The following NUP205 variants were observed in gnomAD, a reference collection of about 807,000 sequenced individuals.
NUP205 encodes nuclear pore complex protein Nup205.
In NUP205, 76 loss-of-function variants were observed where a neutral mutation model predicts 253.8. The observed-to-expected ratio is 0.30, with a 90% CI of 0.25 to 0.36. The LOEUF is 0.36. Ranked by LOEUF, NUP205 falls within the 10% of genes least tolerant of loss-of-function variation. The pLI, the probability that NUP205 is intolerant of heterozygous loss-of-function variation, is 1.00. For synonymous variants in NUP205, 832 were observed against 850.1 expected (o/e 0.98, Z 0.37); for missense variants, 2,162 against 2,425.5 (o/e 0.89, Z 2.28).
chr7:135,587,823 A>G, intron 9 of NUP205, 32 bp from the exon 10 acceptor site: 4 of 1,581,928 alleles, frequency 2.5e-6, no homozygotes, highest in East Asian at 2.3e-5. Context: ...AGTCATAGAC[A>G]TTTCCCTACA....
In NUP205 at chr7:135,647,430, C is replaced by T. The variant is rs139822729; in HGVS notation, c.5887-974C>T. ...CCTTAGTGACTTTATAAAAGGAATT[C>T]GTTTTGTGGCTAGGCTTGTTTAGGA... On this transcript the variant is annotated intron_variant, in intron 42 of 42. Coordinates refer to ENST00000285968, the MANE Select transcript of NUP205 (RefSeq NM_015135.3). 1.8e-3 allele frequency among the ~76,000 whole-genome samples: 280 copies of T among 152,326 alleles called. 1 individual carries two copies. Among genetic ancestry groups the T allele is most frequent in the African/African-American group, 5.7e-3 (236 of 41,582 alleles).
chr7:135,626,444 C>T (rs1387939079), intron 33 of NUP205, 83 bp downstream of exon 33: 10 of 1,447,602 alleles, frequency 6.9e-6, no homozygotes, highest in Middle Eastern at 1.9e-4. Flanking sequence ...ATAATTTTGC[C>T]GCTTAGCAAT....
chr7:135,573,648 T>C lies in NUP205; in HGVS notation c.172-6T>C, dbSNP rs1002263089. ...TTTCATAACAATTACAATTTTATCA[T>C]TGTAGCCAAAAAATGTTCAACAGCA... On this transcript the variant is annotated splice_region_variant and splice_polypyrimidine_tract_variant and intron_variant, in intron 2 of 42. Transcript: ENST00000285968. 2 of 1,605,692 alleles carry C rather than the reference T, an allele frequency of 1.2e-6. No homozygotes were observed. Among genetic ancestry groups the C allele is most frequent in the Admixed American group, 1.7e-5 (1 of 57,746 alleles).
intron 1 of NUP205, among the ~76,000 whole-genome samples, chr7:135,567,100 TTCTG>T (rs1275687506): frequency 1.6e-5 from 2 of 127,340 alleles, no homozygotes; most frequent in Non-Finnish European, 3.2e-5. Context: ...AGGCTTGGGA[TTCTG>T]TCTGTCTTGC....
At chr7:135,590,008 G>A (rs1292653521) in intron 10 of NUP205, among the ~76,000 whole-genome samples, 1 of 151,032 alleles carries the variant, frequency 6.6e-6, no homozygotes, top group African/African-American at 2.4e-5. Context: ...TGAAACATGT[G>A]GAAGAGGGAA....
At chr7:135,581,042 G>C (rs950866758) in intron 7 of NUP205, among the ~76,000 whole-genome samples, 2 of 151,986 alleles carry the variant, frequency 1.3e-5, no homozygotes, top group African/African-American at 4.8e-5. Flanking sequence ...ATTATAATTA[G>C]AATTTTTAAA....
chr7:135,625,064 C>A, intron 31 of NUP205, 100 bp from the exon 32 acceptor site: 8 of 956,848 alleles, frequency 8.4e-6, no homozygotes, highest in Middle Eastern at 2.6e-4. Flanking sequence ...TTATGAAAAA[C>A]ATTCTTCATA....
At chr7:135,567,219 G>A (rs530588834) in intron 1 of NUP205, among the ~76,000 whole-genome samples, 20 of 127,832 alleles carry the variant, frequency 1.6e-4, no homozygotes, top group Non-Finnish European at 3.1e-4. Context: ...GATAGTGAAT[G>A]AAAGTATGAA....
chr7:135,595,209 G>A (rs78644247), intron 13 of NUP205, among the ~76,000 whole-genome samples: 2,487 of 151,740 alleles, frequency 0.016, 25 homozygotes, highest in Non-Finnish European at 0.028. Context: ...TGTTTGTCAA[G>A]TTTGCACTGA....
chr7:135,584,702 C>G lies in NUP205; in HGVS notation c.1043-130C>G, dbSNP rs578125684. On this transcript the variant is annotated intron_variant, in intron 7 of 42. Coordinates refer to ENST00000285968, the MANE Select transcript of NUP205 (RefSeq NM_015135.3). ...AGTCAATTACAGTTATATATAGTCT[C>G]ATTTTGTGCATAGCACATGCTAGAA... The G allele has an allele frequency of 1.6e-3, 1,221 of 757,038 alleles. 5 individuals carry two copies. Among genetic ancestry groups the G allele is most frequent in the South Asian group, 2.7e-3 (166 of 62,478 alleles). 46.9% of individuals were successfully genotyped at this position (757,038 alleles called of 1,614,324 possible).
At chr7:135,578,728 G>A (rs1806221644) in intron 6 of NUP205, 23 bp from the exon 7 acceptor site, 6 of 1,552,304 alleles carry the variant, frequency 3.9e-6, no homozygotes, top group Non-Finnish European at 4.4e-6. Context: ...GATCGGTAAA[G>A]TGGTCTATTT....
rs1563115449 is a variant in NUP205 at position 135,582,284 on chromosome 7, C to CA, written c.1043-2540dup. Among the ~76,000 whole-genome samples, 10 of 151,310 alleles carry CA rather than the reference C, an allele frequency of 6.6e-5. No homozygotes were observed. In the South Asian group the frequency reaches 2.1e-3, roughly 32 times the overall value. ...TGGGCAGCAGAGTAAGACTCTGTTTCAAAAAAAATAAAAGACGTAATCTTT... is the reference window on the plus strand; with the variant it reads ...TGGGCAGCAGAGTAAGACTCTGTTTCAAAAAAAAATAAAAGACGTAATCTTT... On this transcript the variant is annotated intron_variant, in intron 7 of 42. Transcript: ENST00000285968.
chr7:135,626,230 A>C lies in NUP205; in HGVS notation c.4672-10A>C, dbSNP rs539309416. 1 of 1,613,796 alleles carries C rather than the reference A, an allele frequency of 6.2e-7. No individual in the cohort carries two copies. Reference sequence around the variant, plus strand: ...TCAGCACTGATGATTTTTCTCTTGTAACTCCTCAGGCATTTCTCACAAGAG... The same window carrying C: ...TCAGCACTGATGATTTTTCTCTTGTCACTCCTCAGGCATTTCTCACAAGAG... On this transcript the variant is annotated splice_polypyrimidine_tract_variant and intron_variant, in intron 32 of 42. Transcript: ENST00000285968.
chr7:135,578,936 T>G (rs780166142), intron 7 of NUP205, 21 bp downstream of exon 7: 2 of 1,562,658 alleles, frequency 1.3e-6, no homozygotes, highest in Non-Finnish European at 1.7e-6. Context: ...TGTAGGTAAT[T>G]TTGTTATGAG....
At chr7:135,603,079 C>T (rs1793997274) in intron 18 of NUP205, 85 bp downstream of exon 18, 5 of 841,776 alleles carry the variant, frequency 5.9e-6, no homozygotes, top group Non-Finnish European at 8.9e-6. Flanking sequence ...GTATCTAGTG[C>T]ATCACCTTTT....
At chr7:135,591,392 G>A (rs897438108) in intron 10 of NUP205, 58 bp from the exon 11 acceptor site, 8 of 1,461,818 alleles carry the variant, frequency 5.5e-6, no homozygotes, top group Admixed American at 5.2e-5. Flanking sequence ...TAGCTAGTCC[G>A]TGTTGCCTTA....
At chr7:135,570,782 T>TCATATTAATA (rs1563110143) in intron 1 of NUP205, among the ~76,000 whole-genome samples, 1 of 51,692 alleles carries the variant, frequency 1.9e-5, no homozygotes, top group Non-Finnish European at 3.6e-5. Flanking sequence ...TATATATTAA[T>TCATATTAATA]TATATTTATA....
intron 35 of NUP205, among the ~76,000 whole-genome samples, chr7:135,634,317 G>T (rs1794769575): frequency 6.6e-6 from 1 of 152,190 alleles, no homozygotes; most frequent in African/African-American, 2.4e-5. Context: ...AGATCTTACG[G>T]AACCTGAGAA....
chr7:135,584,881 TG>T lies in NUP205; in HGVS notation c.1093del (p.Ala365LeufsTer12). The T allele has an allele frequency of 1.2e-6, 2 of 1,614,100 alleles. No homozygotes were observed. Among genetic ancestry groups the T allele is most frequent in the Non-Finnish European group, 1.7e-6 (2 of 1,179,976 alleles). ...ADEAMAELAIADNVFLFLMES... is the reference protein window; with the variant it reads ...ADEAMAELAIXDNVFLFLMES... ...ATGAAGCAATGGCAGAACTCGCAAT[TG>T]CTGACAACGTTTTCCTGTTCCTCAT... On this transcript the variant is annotated frameshift_variant, in exon 8 of 43. Coordinates refer to ENST00000285968, the MANE Select transcript of NUP205 (RefSeq NM_015135.3). LOFTEE classifies it high-confidence loss of function.
Sources: gnomAD v4.1 joint callset for allele counts (sites outside exome capture counted in the v4.1 genomes callset) on GRCh38, gnomAD v4.1.1 for gene constraint, MANE v1.5 for transcripts, NCBI Gene and HGNC (gene_info 2026-07-23, HGNC 2026-07-21) for gene names.